The following CBY2 variants were observed in gnomAD, a reference collection of about 807,000 sequenced individuals.
The protein encoded by CBY2 is protein chibby homolog 2.
A neutral mutation model predicts 25.3 loss-of-function variants in CBY2; 23 were observed. The ratio of observed to expected loss-of-function variants is 0.91; its 90% CI spans 0.65 to 1.29. The LOEUF is 1.29. Ranked by LOEUF, CBY2 falls within the 50% of genes most tolerant of loss-of-function variation. CBY2 has a pLI of 0.00. For synonymous variants in CBY2, 279 were observed against 260.2 expected, an observed-to-expected ratio of 1.07 and a Z score of -0.70; for missense variants, 642 against 590.7, an observed-to-expected ratio of 1.09 and a Z score of -0.90.
rs775089337 is a variant in CBY2 at position 45,702,368 on chromosome 13, GA to G, written c.-18del. 1 of 1,610,688 alleles carries G rather than the reference GA, an allele frequency of 6.2e-7. No homozygotes were observed. The highest frequency in any genetic ancestry group is 8.5e-7 in the Non-Finnish European group (1 of 1,177,032). On this transcript the variant is annotated 5_prime_UTR_variant, in exon 1 of 3. Coordinates refer to ENST00000310521, the MANE Select transcript of CBY2 (RefSeq NM_152719.3). ...TGCTCAGAGAGAAACCATGAGCCCT[GA>G]AAAACACCATATTGTTTTGTGATGT...
chr13:45,706,619 A>G (rs2031530), intron 2 of CBY2, among the ~76,000 whole-genome samples: 84,221 of 152,094 alleles, frequency 0.55, 25,390 homozygotes, highest in African/African-American at 0.8. Context: ...TAGAGACCAG[A>G]AAAGAGACAA....
rs1204984938 is a variant in CBY2 at position 45,713,831 on chromosome 13, C to T, written c.806C>T (p.Ala269Val). Residue 269 changes from alanine (A) to valine (V), a missense_variant, in exon 3 of 3, where the codon GCG becomes GTG. Transcript: ENST00000310521. The surrounding 1 kb of genome is among the most constrained non-coding windows in gnomAD (Gnocchi z 5.0). Reference protein sequence around the residue: ...QLLEQKQAYWAQAEDTAAPAE... With the variant: ...QLLEQKQAYWVQAEDTAAPAE... ...CTGGAGCAGAAACAGGCCTACTGGG[C>T]GCAGGCAGAGGACACGGCCGCCCCT... 4 of 1,534,640 alleles carry T rather than the reference C, an allele frequency of 2.6e-6. No homozygotes were observed. The highest frequency in any genetic ancestry group is 1.2e-5 in the South Asian group (1 of 83,260).
intron 2 of CBY2, chr13:45,703,208 G>A (rs1179499577): frequency 3.2e-6 from 4 of 1,256,244 alleles, no homozygotes; most frequent in Middle Eastern, 3.1e-4. Flanking sequence ...GGGAGAATTA[G>A]AACTGGGACT....
intron 2 of CBY2, among the ~76,000 whole-genome samples, chr13:45,706,984 AC>A (rs1283407033): frequency 6.6e-5 from 10 of 152,194 alleles, no homozygotes; most frequent in African/African-American, 2.4e-4. Flanking sequence ...TACCAGTAGA[AC>A]TGACCATCTG....
rs772538207 is a variant in CBY2 at position 45,714,184 on chromosome 13, C to A, written c.1159C>A (p.Arg387=). 1.2e-5 allele frequency: 20 copies of A among 1,611,338 alleles called. No homozygotes were observed. Among genetic ancestry groups the A allele is most frequent in the Admixed American group, 1.7e-5 (1 of 59,730 alleles). Residue 387 remains arginine, a synonymous_variant, in exon 3 of 3, where the codon CGG becomes AGG. Transcript: ENST00000310521. ...GGAGAACAGGACCCTGCAGGTGCTA[C>A]GGGCAGAGCACAGGGGCTTCCAGGA... ...QEENRTLQVL[R]AEHRGFQEEN... is the part of the protein sequence containing the mutation.
intron 2 of CBY2, among the ~76,000 whole-genome samples, chr13:45,712,137 G>A (rs1192864049): frequency 6.6e-6 from 1 of 152,236 alleles, no homozygotes; most frequent in Non-Finnish European, 1.5e-5. Flanking sequence ...CTCATGCTAA[G>A]TGTGAGTACA....
At position 45,713,133 on chromosome 13, in the gene CBY2, G is replaced by C; in HGVS notation, c.157-49G>C. 1 of 1,444,090 alleles carries C rather than the reference G, an allele frequency of 6.9e-7. No individual in the cohort carries two copies. 89.5% of individuals were successfully genotyped at this position (1,444,090 alleles called of 1,614,324 possible). ...TGGCCCCTTTGTCAGCCAGCCCCAA[G>C]TGTGTCAGTCCCATCGTTAACGCTG... On this transcript the variant is annotated intron_variant, in intron 2 of 2. Transcript: ENST00000310521. This position sits in a 1 kb window ranked among gnomAD's most constrained non-coding sequence, Gnocchi z 5.0.
chr13:45,713,210 T>C lies in CBY2; in HGVS notation c.185T>C (p.Leu62Pro). 6.2e-7 allele frequency: 1 copy of C among 1,612,990 alleles called. No individual in the cohort carries two copies. ...QRGTAEPFPR[L>P]HNLYSTPRCA... ...GGCACAGCCGAACCCTTCCCGAGGC[T>C]CCACAACTTGTACAGCACCCCTCGC... is the stretch of plus-strand genomic sequence containing the variant. Residue 62 changes from leucine to proline, a missense_variant, in exon 3 of 3, where the codon CTC becomes CCC. Leu to Pro is a moderately conservative substitution (Grantham distance 98). Coordinates refer to ENST00000310521, the MANE Select transcript of CBY2 (RefSeq NM_152719.3). This position sits in a 1 kb window ranked among gnomAD's most constrained non-coding sequence, Gnocchi z 5.0.
At chr13:45,705,609 A>G (rs1566068826) in intron 2 of CBY2, among the ~76,000 whole-genome samples, 1 of 152,254 alleles carries the variant, frequency 6.6e-6, no homozygotes, top group South Asian at 2.1e-4. Flanking sequence ...TTCTGTCAAC[A>G]TCAATCACAT....
In CBY2 at chr13:45,714,226, T is replaced by C. The variant is rs1950299211; in HGVS notation, c.1201T>C (p.Trp401Arg). 1 of 1,612,670 alleles carries C rather than the reference T, an allele frequency of 6.2e-7. No homozygotes were observed. Among genetic ancestry groups the C allele is most frequent in the Admixed American group, 1.7e-5 (1 of 59,916 alleles). ...CTTCCAGGAGGAGAACAAGGCCCTG[T>C]GGGAGAACAACAAGCTGAAGCTGCA... Reference protein sequence around the residue: ...RGFQEENKALWENNKLKLQQK... With the variant: ...RGFQEENKALRENNKLKLQQK... The change falls in exon 3 of 3, where the codon TGG becomes CGG. Residue 401 changes from tryptophan (W) to arginine (R), a missense_variant. Transcript: ENST00000310521.
rs766890796 is a variant in CBY2 at position 45,714,070 on chromosome 13, C to G, written c.1045C>G (p.Leu349Val). 3.3e-6 allele frequency: 5 copies of G among 1,522,890 alleles called. No individual in the cohort carries two copies. The highest frequency in any genetic ancestry group is 4.3e-5 in the Admixed American group (2 of 46,232). 94.3% of individuals were successfully genotyped at this position (1,522,890 alleles called of 1,614,324 possible). A position where few individuals can be genotyped will look rare whatever the true frequency, so the allele number is the denominator to read the frequency against. Residue 349 changes from leucine to valine, a missense_variant, in exon 3 of 3, where the codon CTG becomes GTG. By Grantham distance (32) the Leu-to-Val change is conservative. Coordinates refer to ENST00000310521, the MANE Select transcript of CBY2 (RefSeq NM_152719.3). Reference sequence around the variant, plus strand: ...GGAGGAGGCCAAGGTGGGCCCGGGCCTGCCCGACGGCTGCCAGCCCCTGCA... The same window carrying G: ...GGAGGAGGCCAAGGTGGGCCCGGGCGTGCCCGACGGCTGCCAGCCCCTGCA... ...GEEEAKVGPG[L>V]PDGCQPLQLL...
At position 45,702,390 on chromosome 13, in the gene CBY2, G is replaced by A. The variant is rs149308273; in HGVS notation, c.-1G>A. 1,896 of 1,613,926 alleles carry A rather than the reference G, an allele frequency of 1.2e-3. 2 individuals are homozygous for A. Among genetic ancestry groups the A allele is most frequent in the Middle Eastern group, 4.3e-3 (26 of 6,062 alleles). On this transcript the variant is annotated 5_prime_UTR_variant, in exon 1 of 3. Coordinates refer to ENST00000310521, the MANE Select transcript of CBY2 (RefSeq NM_152719.3). ...CCTGAAAAACACCATATTGTTTTGTGATGTCACCTCTGGAATGTTCTGAGT... is the reference window on the plus strand; with the variant it reads ...CCTGAAAAACACCATATTGTTTTGTAATGTCACCTCTGGAATGTTCTGAGT...
In CBY2 at chr13:45,704,409, T is replaced by G. The variant is rs1467281570; in HGVS notation, c.156+1554T>G. On this transcript the variant is annotated intron_variant, in intron 2 of 2. Transcript: ENST00000310521. The surrounding 1 kb of genome is among the most constrained non-coding windows in gnomAD (Gnocchi z 4.1). ...GGCACGTGTACCTCACAAGGGCAGA[T>G]GCAGCTTCGTGCGTACACCTGCCAA... 2.6e-4 allele frequency among the ~76,000 whole-genome samples: 40 copies of G among 152,168 alleles called. No individual in the cohort carries two copies. Among genetic ancestry groups the G allele is most frequent in the Admixed American group, 2.6e-3 (40 of 15,274 alleles).
chr13:45,710,464 A>C (rs1017516915), intron 2 of CBY2, among the ~76,000 whole-genome samples: 1 of 152,190 alleles, frequency 6.6e-6, no homozygotes, highest in African/African-American at 2.4e-5. Flanking sequence ...CGGAGGTTGC[A>C]GTGAGCCGAA....
At chr13:45,705,059 C>T (rs1453652971) in intron 2 of CBY2, among the ~76,000 whole-genome samples, 1 of 152,196 alleles carries the variant, frequency 6.6e-6, no homozygotes, top group African/African-American at 2.4e-5. Context: ...TCCTGCTGTG[C>T]GTTTGGGCTT....
At chr13:45,708,787 A>G (rs1372908570) in intron 2 of CBY2, among the ~76,000 whole-genome samples, 1 of 152,246 alleles carries the variant, frequency 6.6e-6, no homozygotes, top group Non-Finnish European at 1.5e-5. Context: ...GTTCTAAGAA[A>G]TTAAGCCATG....
chr13:45,704,602 A>C lies in CBY2; in HGVS notation c.156+1747A>C, dbSNP rs1950229951. On this transcript the variant is annotated intron_variant, in intron 2 of 2. Transcript: ENST00000310521. The surrounding 1 kb of genome is among the most constrained non-coding windows in gnomAD (Gnocchi z 4.1). ...TCTACCTCCCTAAATGAGATGGCAC[A>C]TGGCTTAGGGGACAGGGTTGATCTG... Among the ~76,000 whole-genome samples the C allele has an allele frequency of 6.6e-6, 1 of 152,228 alleles. No individual in the cohort carries two copies. Among genetic ancestry groups the C allele is most frequent in the African/African-American group, 2.4e-5 (1 of 41,464 alleles).
chr13:45,708,212 T>G (rs866896333), intron 2 of CBY2, among the ~76,000 whole-genome samples: 14 of 152,194 alleles, frequency 9.2e-5, no homozygotes, highest in Middle Eastern at 3.2e-3. Flanking sequence ...CATCCACATT[T>G]TCTAGGAACT....
chr13:45,703,540 G>A lies in CBY2; in HGVS notation c.156+685G>A, dbSNP rs76358825. ...ACCTAAGTCCTCATTGGAAGACCAG[G>A]GCCATGCAACCAGAGGGGTTGAAAT... On this transcript the variant is annotated intron_variant, in intron 2 of 2. Transcript: ENST00000310521. The A allele has an allele frequency of 7.2e-4, 1,121 of 1,550,978 alleles. 5 individuals carry two copies. The African/African-American group carries it at 0.014, about 19-fold the overall frequency.
Sources: allele counts gnomAD v4.1 joint callset (sites outside exome capture counted in the v4.1 genomes callset), GRCh38; gene constraint gnomAD v4.1.1; non-coding constraint Gnocchi (gnomAD v3.1); transcripts MANE v1.5; gene names NCBI Gene and HGNC (gene_info 2026-07-23, HGNC 2026-07-21).